NUDC: variants seen among roughly 807,000 people sequenced by gnomAD.
NUDC encodes nuclear distribution C, dynein complex regulator.
Under a neutral mutation model 45.0 loss-of-function variants are expected in NUDC, and 14 were observed. That is an observed-to-expected ratio of 0.31 (90% CI 0.21 to 0.49). The LOEUF is 0.49. NUDC is among the 20% of genes least tolerant of loss of function. The pLI is 0.99. For synonymous variants in NUDC, 153 were observed against 156.7 expected, an observed-to-expected ratio of 0.98 and a Z score of 0.17; for missense variants, 323 against 426.2, an observed-to-expected ratio of 0.76 and a Z score of 2.13.
chr1:26,935,847 G>A (rs2082225084), intron 2 of NUDC, among the ~76,000 whole-genome samples: 1 of 151,420 alleles, frequency 6.6e-6, no homozygotes, highest in African/African-American at 2.4e-5. Flanking sequence ...AAAATTAAGG[G>A]TCAGGCACAG....
intron 2 of NUDC, among the ~76,000 whole-genome samples, chr1:26,909,255 G>T (rs1389369066): frequency 2.0e-5 from 3 of 152,154 alleles, no homozygotes; most frequent in Non-Finnish European, 4.4e-5. Context: ...GATTACAGGT[G>T]TGAGCCACTG....
intron 2 of NUDC, among the ~76,000 whole-genome samples, chr1:26,910,722 T>G (rs1208382945): frequency 6.6e-6 from 1 of 152,232 alleles, no homozygotes; most frequent in Non-Finnish European, 1.5e-5. Context: ...TCACTCACCC[T>G]GACCCATGGC....
chr1:26,924,398 A>C (rs561403129), intron 2 of NUDC, among the ~76,000 whole-genome samples: 212 of 152,220 alleles, frequency 1.4e-3, no homozygotes, highest in Non-Finnish European at 2.4e-3. Flanking sequence ...GGTGTTAACT[A>C]TCCCCATTGA....
intron 6 of NUDC, among the ~76,000 whole-genome samples, chr1:26,944,828 G>A (rs561687304): frequency 2.0e-5 from 3 of 152,042 alleles, no homozygotes; most frequent in African/African-American, 7.2e-5. Context: ...ATCATCTGAG[G>A]TCAGGAGTTT....
chr1:26,901,477 T>C (rs984142966), intron 1 of NUDC, among the ~76,000 whole-genome samples: 7 of 146,212 alleles, frequency 4.8e-5, no homozygotes, highest in Non-Finnish European at 8.9e-5. Flanking sequence ...CGATCTCGGC[T>C]CACTGCAACC....
chr1:26,945,202 C>A, intron 6 of NUDC, 188 bp from the exon 7 acceptor site: 1 of 639,662 alleles, frequency 1.6e-6, no homozygotes, highest in South Asian at 1.8e-5. Context: ...TGATTTGTAA[C>A]TCTTTGCCTC....
chr1:26,924,797 C>T (rs965687013), intron 2 of NUDC, among the ~76,000 whole-genome samples: 5 of 151,958 alleles, frequency 3.3e-5, no homozygotes, highest in South Asian at 2.1e-4. Flanking sequence ...ATGATCCACC[C>T]GCCTCGGCCT....
At chr1:26,926,021 C>CT (rs60714498) in intron 2 of NUDC, among the ~76,000 whole-genome samples, 3,882 of 142,182 alleles carry the variant, frequency 0.027, 90 homozygotes, top group Middle Eastern at 0.067. Flanking sequence ...CATGCCCAGC[C>CT]TTTTTTTTTT....
chr1:26,911,823 T>G (rs776457725), intron 3 of NUDC: 1 of 1,614,078 alleles, frequency 6.2e-7, no homozygotes, highest in Non-Finnish European at 8.5e-7. Flanking sequence ...GCCCACCTGA[T>G]CTCTGCCTGG....
In NUDC at chr1:26,942,824, A is replaced by T. The variant is rs749599733; in HGVS notation, c.547-47A>T. 7 of 1,614,060 alleles carry T rather than the reference A, an allele frequency of 4.3e-6. No individual in the cohort carries two copies. The East Asian group carries it at 1.1e-4, about 26-fold the overall frequency. On this transcript the variant is annotated intron_variant, in intron 5 of 8. Coordinates refer to ENST00000321265, the MANE Select transcript of NUDC (RefSeq NM_006600.4). ...AAAGCTTAGGGGGCCAGCCTGGGGT[A>T]CCAGCAGCACTTAGTGGCCTCTTCT...
intron 2 of NUDC, among the ~76,000 whole-genome samples, chr1:26,905,020 A>G (rs2081996598): frequency 6.6e-6 from 1 of 150,820 alleles, no homozygotes. Flanking sequence ...TATTTTTAGT[A>G]GAGATGGGGT....
In NUDC at chr1:26,903,150, G is replaced by A. The variant is rs2081987752; in HGVS notation, c.-16+784G>A. On this transcript the variant is annotated intron_variant, in intron 2 of 6. Coordinates refer to the NUDC transcript ENST00000435827. ...ATATTCATAGCTACAGTCTTTTTAA[G>A]TGCAAAAAGCTGGCTTTTTGTACTA... Among the ~76,000 whole-genome samples, 3 of 151,958 alleles carry A rather than the reference G, an allele frequency of 2.0e-5. No individual in the cohort carries two copies. The South Asian group carries it at 6.2e-4, about 32-fold the overall frequency.
At chr1:26,901,398 T>A (rs1197114542) in intron 1 of NUDC, among the ~76,000 whole-genome samples, 1 of 101,822 alleles carries the variant, frequency 9.8e-6, no homozygotes, top group Non-Finnish European at 2.1e-5. Context: ...CCTTTTTGTC[T>A]TTTTTTTTTT....
At chr1:26,900,494 G>C in intron 1 of NUDC, 1 of 1,481,368 alleles carries the variant, frequency 6.8e-7, no homozygotes, top group Non-Finnish European at 9.3e-7. Context: ...AACACCGCGA[G>C]CAACGTTCCA....
At chr1:26,910,668 T>C (rs920727303) in intron 2 of NUDC, among the ~76,000 whole-genome samples, 1 of 152,166 alleles carries the variant, frequency 6.6e-6, no homozygotes, top group Admixed American at 6.5e-5. Context: ...GAAAATCCTA[T>C]AGGCATGTGT....
rs1287068157 is a variant in NUDC, at chr1:26,912,025, C to T, written c.93+790C>T. ...ACCAGGGTTCCAGGACTTCACACAG[C>T]ACCCAGTGAGCCTCCTGCTGCAGGT... is the stretch of plus-strand genomic sequence containing the variant. On this transcript the variant is annotated intron_variant, in intron 3 of 6. Transcript: ENST00000435827. 4 of 1,614,074 alleles carry T rather than the reference C, an allele frequency of 2.5e-6. No individual in the cohort carries two copies.
At chr1:26,945,264 TG>T in intron 6 of NUDC, 125 bp from the exon 7 acceptor site, 2 of 757,014 alleles carry the variant, frequency 2.6e-6, no homozygotes, top group South Asian at 1.5e-5. Flanking sequence ...CTGGATCCAG[TG>T]TAGGCCTGCA....
chr1:26,941,427 GATGCCTC>G (rs1467845433), intron 2 of NUDC, 23 bp from the exon 3 acceptor site: 4 of 1,608,796 alleles, frequency 2.5e-6, no homozygotes, highest in Non-Finnish European at 3.4e-6. Flanking sequence ...CCCCTGCTCT[GATGCCTC>G]ATGGCCTTTC....
rs966234344 is a variant in NUDC, at chr1:26,911,787, A to G, written c.93+552A>G. 9.9e-6 allele frequency: 16 copies of G among 1,612,160 alleles called. No individual in the cohort carries two copies. In the Admixed American group the frequency reaches 1.0e-4, roughly 10 times the overall value. ...CATTGGGTCACCTCTGGGGATGGCC[A>G]GGCTGAATCAGCACTGCCAGCCTCT... On this transcript the variant is annotated intron_variant, in intron 3 of 6. Transcript: ENST00000435827.
Sources: gnomAD v4.1 joint callset for allele counts (sites outside exome capture counted in the v4.1 genomes callset) on GRCh38, gnomAD v4.1.1 for gene constraint, MANE v1.5 for transcripts, NCBI Gene and HGNC (gene_info 2026-07-23, HGNC 2026-07-21) for gene names.